Variants in CEP290 observed in about 807,000 individuals in gnomAD.
CEP290 encodes the protein centrosomal protein 290.
In CEP290, 317 loss-of-function variants were observed where a neutral mutation model predicts 344.9. That is an observed-to-expected ratio of 0.92 (90% CI 0.84 to 1.01). The LOEUF is 1.01. Ranked by LOEUF, CEP290 falls within the 50% of genes least tolerant of loss-of-function variation. The pLI, the probability that CEP290 is intolerant of heterozygous loss-of-function variation, is 0.00. For synonymous variants in CEP290, 932 were observed against 895.8 expected (o/e 1.04, Z -0.72); for missense variants, 2,754 against 2,761.4 (o/e 1.00, Z 0.06).
intron 13 of CEP290, among the ~76,000 whole-genome samples, chr12:88,122,507 C>A (rs1374417688): frequency 1.3e-5 from 2 of 152,094 alleles, no homozygotes; most frequent in African/African-American, 4.8e-5. Context: ...TAATCCTAAT[C>A]TTATGAAGGA....
Position 88,130,389 on chromosome 12 carries a change from T to C in CEP290, c.548A>G (p.Tyr183Cys), listed in dbSNP as rs1433166610. ...NEQLCQDIID[Y>C]QKQIDSQKET... ...TTTCTGTGAATCTATTTGTTTCTGG[T>C]AGTCAATAATATCCTGACAAAGTTG... Residue 183 changes from tyrosine (Y) to cysteine (C), a missense_variant, in exon 9 of 54, where the codon TAC (tyrosine) becomes TGC (cysteine). Transcript: ENST00000552810. 1 of 1,609,582 alleles carries C rather than the reference T, an allele frequency of 6.2e-7. No individual in the cohort carries two copies. Among genetic ancestry groups the C allele is most frequent in the Non-Finnish European group, 8.5e-7 (1 of 1,178,496 alleles).
chr12:88,071,068 T>C (rs1241416905), intron 43 of CEP290, among the ~76,000 whole-genome samples: 1 of 152,132 alleles, frequency 6.6e-6, no homozygotes, highest in Non-Finnish European at 1.5e-5. Context: ...AGTATCTACA[T>C]TTTCCCATAG....
chr12:88,139,845 C>T (rs1382554512), intron 3 of CEP290, among the ~76,000 whole-genome samples: 2 of 152,192 alleles, frequency 1.3e-5, no homozygotes, highest in Admixed American at 1.3e-4. Context: ...CTTCCCATCT[C>T]AGTCTCCTGA....
At chr12:88,125,460 A>C (rs978715708) in intron 12 of CEP290, 91 bp from the exon 13 acceptor site, 4 of 544,904 alleles carry the variant, frequency 7.3e-6, no homozygotes, top group Non-Finnish European at 1.1e-5. Context: ...TTTCAACAAG[A>C]CTGTAGAACA....
In CEP290 at chr12:88,117,076, A is replaced by G. The variant is rs371496675; in HGVS notation, c.1781T>C (p.Leu594Ser). The change falls in exon 18 of 54, where the codon TTG (leucine) becomes TCG (serine). Residue 594 changes from leucine to serine, a missense_variant. Physicochemically the swap from Leu to Ser is moderately radical, Grantham distance 145. Coordinates refer to ENST00000552810, the MANE Select transcript of CEP290 (RefSeq NM_025114.4). ...CATATTTTTGAGGCTCAATAAATCC[A>G]ATTTTCTTTCACTTATTCTATCTCC... The part of the protein sequence containing the change: ...SQGDRISERK[L>S]DLLSLKNMSE... 1 of 1,561,040 alleles carries G rather than the reference A, an allele frequency of 6.4e-7. No individual in the cohort carries two copies. Among genetic ancestry groups the G allele is most frequent in the Admixed American group, 1.9e-5 (1 of 52,466 alleles).
chr12:88,117,222 C>T, intron 17 of CEP290, 77 bp from the exon 18 acceptor site: 1 of 708,108 alleles, frequency 1.4e-6, no homozygotes, highest in Non-Finnish European at 2.3e-6. Flanking sequence ...TTCTTAAAAC[C>T]TACAATCAAG....
chr12:88,139,091 A>C lies in CEP290; in HGVS notation c.297+54T>G. 4 of 900,164 alleles carry C rather than the reference A, an allele frequency of 4.4e-6. No homozygotes were observed. In the South Asian group the frequency reaches 6.1e-5, roughly 14 times the overall value. The allele number at this position is 900,164 out of a possible 1,614,324, so 55.8% of individuals were successfully genotyped here. A position where few individuals can be genotyped will look rare whatever the true frequency, so the allele number is the denominator to read the frequency against. ...AACAATAATTTTAAAATTTGAAAAC[A>C]ATTCAAAATAAAATTAATGACAATT... On this transcript the variant is annotated intron_variant, in intron 5 of 53. Coordinates refer to ENST00000552810, the MANE Select transcript of CEP290 (RefSeq NM_025114.4).
intron 22 of CEP290, among the ~76,000 whole-genome samples, chr12:88,110,989 C>T (rs530403782): frequency 6.6e-6 from 1 of 152,078 alleles, no homozygotes; most frequent in South Asian, 2.1e-4. Flanking sequence ...CATCTAACAT[C>T]AAAATCCATA....
At chr12:88,123,110 A>G (rs556520263) in intron 13 of CEP290, among the ~76,000 whole-genome samples, 2 of 151,994 alleles carry the variant, frequency 1.3e-5, no homozygotes, top group African/African-American at 2.4e-5. Context: ...GTTAAGGCCA[A>G]CCTCTTCACT....
intron 49 of CEP290, among the ~76,000 whole-genome samples, 172 bp from the exon 50 acceptor site, chr12:88,055,889 A>G (rs1039725620): frequency 1.3e-5 from 2 of 152,194 alleles, no homozygotes; most frequent in East Asian, 3.8e-4. Flanking sequence ...GTGGCAAGAG[A>G]TAAGGTATCC....
At position 88,111,375 on chromosome 12, in the gene CEP290, A is replaced by G. The variant is rs538230274; in HGVS notation, c.2218-24T>C. 21 of 1,556,160 alleles carry G rather than the reference A, an allele frequency of 1.3e-5. No individual in the cohort carries two copies. The East Asian group carries it at 3.1e-4, about 23-fold the overall frequency. On this transcript the variant is annotated intron_variant, in intron 21 of 53. Transcript: ENST00000552810. The stretch of plus-strand genomic sequence containing the variant: ...ATCTGGAAAAAAAAATCCAGCAATG[A>G]GAATCACAACTCTTACACCCAAAGA...
intron 27 of CEP290, 140 bp downstream of exon 27, chr12:88,096,748 G>A: frequency 1.8e-6 from 1 of 541,334 alleles, no homozygotes; most frequent in Non-Finnish European, 3.2e-6. Context: ...ATCTGCCTAA[G>A]TTAAATTATT....
rs1168610599 is a variant in CEP290 at position 88,087,683 on chromosome 12, G to A, written c.4194+97C>T. ...TGCAGTGAGCCGAGATCACGCCACT[G>A]CACTCCAGTCTGGGCGACAGAGTGA... On this transcript the variant is annotated intron_variant, in intron 32 of 53. Coordinates refer to ENST00000552810, the MANE Select transcript of CEP290 (RefSeq NM_025114.4). 7 of 383,588 alleles carry A rather than the reference G, an allele frequency of 1.8e-5. No individual in the cohort carries two copies. In the East Asian group the frequency reaches 2.7e-4, roughly 15 times the overall value. 23.8% of individuals were successfully genotyped at this position (383,588 alleles called of 1,614,324 possible). A position where few individuals can be genotyped will look rare whatever the true frequency, so the allele number is the denominator to read the frequency against.
rs1565838512 is a variant in CEP290 at position 88,086,065 on chromosome 12, G to GT, written c.4410dup (p.Arg1471ThrfsTer34). On this transcript the variant is annotated frameshift_variant, in exon 34 of 54. Transcript: ENST00000552810. LOFTEE classifies it high-confidence loss of function. Reference sequence around the variant, plus strand: ...TCTTCTAGTGATTTGCAAGTTGCCCGTGTTTCTAGAATTATTCGAATGTTC... The same window carrying GT: ...TCTTCTAGTGATTTGCAAGTTGCCCGTTGTTTCTAGAATTATTCGAATGTTC... 6.2e-7 allele frequency: 1 copy of GT among 1,611,568 alleles called. No individual in the cohort carries two copies. Among genetic ancestry groups the GT allele is most frequent in the East Asian group, 2.2e-5 (1 of 44,776 alleles).
chr12:88,136,671 A>G lies in CEP290; in HGVS notation c.413T>C (p.Leu138Ser), dbSNP rs1355121435. Residue 138 changes from leucine to serine, a missense_variant, in exon 6 of 54, where the codon TTG becomes TCG. Physicochemically the swap from Leu to Ser is moderately radical, Grantham distance 145. Transcript: ENST00000552810. ...DRELEDMEKE[L>S]EKEKKVNEQL... Reference sequence around the variant, plus strand: ...CTCATTAACTTTCTTCTCTTTCTCCAACTCCTTTTCCATGTCCTCCAATTC... The same window carrying G: ...CTCATTAACTTTCTTCTCTTTCTCCGACTCCTTTTCCATGTCCTCCAATTC... 6.2e-7 allele frequency: 1 copy of G among 1,613,716 alleles called. No homozygotes were observed. Among genetic ancestry groups the G allele is most frequent in the South Asian group, 1.1e-5 (1 of 91,064 alleles).
At chr12:88,069,426 A>C (rs2035195453) in intron 43 of CEP290, among the ~76,000 whole-genome samples, 1 of 152,228 alleles carries the variant, frequency 6.6e-6, no homozygotes, top group Admixed American at 6.5e-5. Context: ...AGCAGGTTTC[A>C]AAACTAAAAG....
chr12:88,127,947 T>C (rs1409587581), intron 11 of CEP290, among the ~76,000 whole-genome samples: 1 of 152,154 alleles, frequency 6.6e-6, no homozygotes, highest in African/African-American at 2.4e-5. Flanking sequence ...AAGTACAGAA[T>C]ACATATAACA....
chr12:88,076,609 G>GT (rs1191306794), intron 41 of CEP290, among the ~76,000 whole-genome samples: 4 of 52,042 alleles, frequency 7.7e-5, no homozygotes, highest in Admixed American at 2.7e-4. Flanking sequence ...GCCAATTTTA[G>GT]TTTTTTTTGG....
At chr12:88,112,233 T>C (rs569368683) in intron 20 of CEP290, among the ~76,000 whole-genome samples, 7 of 152,220 alleles carry the variant, frequency 4.6e-5, no homozygotes, top group Admixed American at 6.5e-5. Flanking sequence ...GGGAAAACAA[T>C]GTGAGCTCTG....
Sources: gnomAD v4.1 joint callset for allele counts (sites outside exome capture counted in the v4.1 genomes callset) on GRCh38, gnomAD v4.1.1 for gene constraint, MANE v1.5 for transcripts, NCBI Gene and HGNC (gene_info 2026-07-23, HGNC 2026-07-21) for gene names.